Variants in BAZ2B observed in about 807,000 individuals in gnomAD.
BAZ2B encodes bromodomain adjacent to zinc finger domain protein 2B.
BAZ2B carries 91 observed loss-of-function variants against 246.0 expected under a neutral mutation model. The observed-to-expected ratio is 0.37, with a 90% CI of 0.31 to 0.44. The LOEUF (loss-of-function observed/expected upper bound fraction) is 0.44, where lower values mean the gene tolerates loss of function less well. Among genes scored for constraint, BAZ2B ranks in the 20% least tolerant of loss-of-function variants. The probability of loss-of-function intolerance (pLI) is 1.00; values close to 1 mark genes in which losing one functional copy is unlikely to be tolerated. For missense variants in BAZ2B, 2,332 were observed against 2,533.7 expected (o/e 0.92, Z 1.71); for synonymous variants, 855 against 860.0 (o/e 0.99, Z 0.10).
intron 27 of BAZ2B, among the ~76,000 whole-genome samples, chr2:159,372,780 T>G (rs754024264): frequency 6.6e-6 from 1 of 152,122 alleles, no homozygotes; most frequent in East Asian, 1.9e-4. Flanking sequence ...AAAGGTAATA[T>G]AGATGGAAAT....
rs190946354 is a variant in BAZ2B, at chr2:159,321,150, A to G, written c.6354-732T>C. On this transcript the variant is annotated intron_variant, in intron 36 of 36. Coordinates refer to ENST00000392783, the MANE Select transcript of BAZ2B (RefSeq NM_013450.4). The stretch of plus-strand genomic sequence containing the variant: ...AGAAAAGAAAGGTGAATGAATCTGC[A>G]TAAGCTTATTAGTAAGAAGGGAATG... 2.1e-3 allele frequency among the ~76,000 whole-genome samples: 316 copies of G among 152,360 alleles called. 1 individual carries two copies. Among genetic ancestry groups the G allele is most frequent in the South Asian group, 3.5e-3 (17 of 4,826 alleles).
chr2:159,356,296 G>C (rs1266821705), intron 27 of BAZ2B, among the ~76,000 whole-genome samples: 1 of 152,210 alleles, frequency 6.6e-6, no homozygotes, highest in African/African-American at 2.4e-5. Flanking sequence ...GCTTGAGCTT[G>C]GGTGTGGGAA....
intron 2 of BAZ2B, among the ~76,000 whole-genome samples, chr2:159,486,220 A>G (rs2079817327): frequency 6.6e-6 from 1 of 152,066 alleles, no homozygotes; most frequent in Admixed American, 6.5e-5. Context: ...TGATCCTTTC[A>G]TCTACAAATC....
At chr2:159,650,632 T>C in the BAZ2B span, among the ~76,000 whole-genome samples, 1 of 152,210 alleles carries the variant, frequency 6.6e-6, no homozygotes, top group African/African-American at 2.4e-5. Flanking sequence ...TACTCTACTG[T>C]AAACATGACA....
At chr2:159,510,992 C>A (rs1159481555) in intron 2 of BAZ2B, among the ~76,000 whole-genome samples, 1 of 151,960 alleles carries the variant, frequency 6.6e-6, no homozygotes, top group Non-Finnish European at 1.5e-5. Flanking sequence ...ATTATCAAAT[C>A]AAGACTCATT....
chr2:159,679,287 A>AAAAAAAAAC, the BAZ2B span, among the ~76,000 whole-genome samples: 6 of 139,908 alleles, frequency 4.3e-5, no homozygotes, highest in Non-Finnish European at 7.7e-5. Context: ...AAAAAAAAAA[A>AAAAAAAAAC]AAAAAAAGAT....
chr2:159,396,612 ATTT>A (rs368027998), intron 19 of BAZ2B: 5 of 152,090 alleles, frequency 3.3e-5, no homozygotes, highest in African/African-American at 1.2e-4. Flanking sequence ...TATCTCATCG[ATTT>A]TTTTGTTTAA....
intron 3 of BAZ2B, among the ~76,000 whole-genome samples, 158 bp downstream of exon 3, chr2:159,478,417 T>C (rs984396275): frequency 1.3e-5 from 2 of 152,158 alleles, no homozygotes; most frequent in African/African-American, 4.8e-5. Flanking sequence ...TATCCCAGCG[T>C]AAAATCCTGA....
At chr2:159,416,594 A>C (rs1039663868) in intron 13 of BAZ2B, among the ~76,000 whole-genome samples, 1 of 152,172 alleles carries the variant, frequency 6.6e-6, no homozygotes, top group Non-Finnish European at 1.5e-5. Flanking sequence ...TTTTGGCCAA[A>C]ATTTTAAGAG....
chr2:159,370,377 CCTTT>C (rs1393126490), intron 27 of BAZ2B, among the ~76,000 whole-genome samples: 3 of 120,726 alleles, frequency 2.5e-5, no homozygotes, highest in Non-Finnish European at 4.9e-5. Context: ...CACTGTACTA[CCTTT>C]TTTTTTTTTT....
intron 14 of BAZ2B, among the ~76,000 whole-genome samples, chr2:159,408,604 T>C (rs72965273): frequency 4.6e-5 from 7 of 151,862 alleles, no homozygotes; most frequent in Middle Eastern, 3.2e-3. Flanking sequence ...TTATGGGCAG[T>C]TGGAAAAGAA....
chr2:159,354,571 G>C (rs1393131876), intron 27 of BAZ2B, among the ~76,000 whole-genome samples: 1 of 152,046 alleles, frequency 6.6e-6, no homozygotes, highest in Non-Finnish European at 1.5e-5. Flanking sequence ...GGCTGGTCTC[G>C]AACTCATGAC....
chr2:159,397,027 C>A, intron 19 of BAZ2B: 1 of 1,318,632 alleles, frequency 7.6e-7, no homozygotes, highest in Non-Finnish European at 1.0e-6. Flanking sequence ...ATATCACAAC[C>A]AAATCACAAT....
chr2:159,683,043 G>A, the BAZ2B span, among the ~76,000 whole-genome samples: 2 of 151,580 alleles, frequency 1.3e-5, no homozygotes, highest in African/African-American at 4.9e-5. Flanking sequence ...TTCCCCCATG[G>A]AGCATTATTA....
At chr2:159,348,933 A>C in intron 29 of BAZ2B, 74 bp downstream of exon 29, 2 of 1,559,248 alleles carry the variant, frequency 1.3e-6, no homozygotes, top group Non-Finnish European at 1.7e-6. Flanking sequence ...GAACCATCAA[A>C]TATTCAGTTA....
intron 2 of BAZ2B, among the ~76,000 whole-genome samples, chr2:159,489,551 C>T (rs931066289): frequency 1.2e-4 from 18 of 152,132 alleles, no homozygotes; most frequent in African/African-American, 4.3e-4. Context: ...ACATAAAAAC[C>T]TAAAGATTCA....
chr2:159,387,092 C>G (rs1559212596), intron 21 of BAZ2B, among the ~76,000 whole-genome samples: 1 of 152,070 alleles, frequency 6.6e-6, no homozygotes, highest in Admixed American at 6.6e-5. Context: ...AAACAGCATG[C>G]ATCTGTGGGC....
At chr2:159,469,909 G>C (rs1163909704) in intron 3 of BAZ2B, among the ~76,000 whole-genome samples, 4 of 152,088 alleles carry the variant, frequency 2.6e-5, no homozygotes, top group South Asian at 4.1e-4. Context: ...AAAAACACAA[G>C]AGAGGCAGGA....
At chr2:159,541,405 G>A (rs1270627452) in intron 2 of BAZ2B, among the ~76,000 whole-genome samples, 2 of 151,926 alleles carry the variant, frequency 1.3e-5, no homozygotes, top group African/African-American at 4.8e-5. Context: ...AGACTCCAGA[G>A]TAGCTGGGAT....
Sources: gnomAD v4.1 joint callset for allele counts (sites outside exome capture counted in the v4.1 genomes callset) on GRCh38, gnomAD v4.1.1 for gene constraint, MANE v1.5 for transcripts, NCBI Gene and HGNC (gene_info 2026-07-23, HGNC 2026-07-21) for gene names.